SIMC1: variants seen among roughly 807,000 people sequenced by gnomAD.
SIMC1 encodes the protein SUMO interacting motifs containing 1, also known as SUMO-interacting motif-containing protein 1.
In SIMC1, 55 loss-of-function variants were observed where a neutral mutation model predicts 82.3. The observed-to-expected ratio is 0.67, with a 90% CI of 0.54 to 0.84. SIMC1 has a LOEUF of 0.84. Ranked by LOEUF, SIMC1 falls within the 40% of genes least tolerant of loss-of-function variation. The pLI, the probability that SIMC1 is intolerant of heterozygous loss-of-function variation, is 0.00. For synonymous variants in SIMC1, 353 were observed against 426.3 expected, an observed-to-expected ratio of 0.83 and a Z score of 2.12; for missense variants, 915 against 1,107.2, an observed-to-expected ratio of 0.83 and a Z score of 2.46.
intron 1 of SIMC1, among the ~76,000 whole-genome samples, chr5:176,284,076 G>A (rs1763145852): frequency 6.6e-6 from 1 of 152,000 alleles, no homozygotes; most frequent in Admixed American, 6.6e-5. Context: ...AATAATAATG[G>A]GAGACTTTAA....
intron 2 of SIMC1, among the ~76,000 whole-genome samples, chr5:176,291,465 TAGCTGGGACTA>T (rs1263688557): frequency 6.6e-6 from 1 of 151,104 alleles, no homozygotes; most frequent in Non-Finnish European, 1.5e-5. Flanking sequence ...GCCTCCCGAG[TAGCTGGGACTA>T]TAGGCGCCCG....
chr5:176,332,549 C>T (rs1469897121), intron 7 of SIMC1, among the ~76,000 whole-genome samples: 1 of 152,194 alleles, frequency 6.6e-6, no homozygotes, highest in Non-Finnish European at 1.5e-5. Context: ...CTCAGCCTCC[C>T]ACAGTGCTGG....
intron 1 of SIMC1, among the ~76,000 whole-genome samples, chr5:176,282,754 G>A (rs1386568770): frequency 6.6e-6 from 1 of 152,182 alleles, no homozygotes; most frequent in Non-Finnish European, 1.5e-5. Flanking sequence ...TGAACCCATC[G>A]CAAAGAAGCT....
At chr5:176,315,720 T>C (rs773654666) in intron 5 of SIMC1, among the ~76,000 whole-genome samples, 1 of 152,330 alleles carries the variant, frequency 6.6e-6, no homozygotes, top group Middle Eastern at 3.4e-3. Flanking sequence ...TCGTTATGTT[T>C]TGGGCATTGT....
chr5:176,303,804 G>T (rs10057519), intron 4 of SIMC1, among the ~76,000 whole-genome samples: 111,614 of 152,076 alleles, frequency 0.73, 41,129 homozygotes, highest in Middle Eastern at 0.84. Context: ...GTGCTAAGAC[G>T]ACTCAGTGGT....
At chr5:176,327,675 G>A (rs1765453939) in intron 7 of SIMC1, among the ~76,000 whole-genome samples, 1 of 152,150 alleles carries the variant, frequency 6.6e-6, no homozygotes, top group Non-Finnish European at 1.5e-5. Context: ...CCTGATCTTA[G>A]GGTGAAAACA....
chr5:176,257,488 T>A (rs1326328992), intron 1 of SIMC1, among the ~76,000 whole-genome samples: 2 of 152,092 alleles, frequency 1.3e-5, no homozygotes, highest in Non-Finnish European at 2.9e-5. Context: ...GCACATCACA[T>A]GGAGAGAGCA....
chr5:176,275,306 T>G (rs1447184027), intron 1 of SIMC1, among the ~76,000 whole-genome samples: 2 of 151,928 alleles, frequency 1.3e-5, no homozygotes, highest in African/African-American at 2.4e-5. Flanking sequence ...TGCTTGTAAT[T>G]TTTGTACATT....
intron 4 of SIMC1, chr5:176,308,261 G>C (rs978274214): frequency 2.0e-6 from 3 of 1,527,184 alleles, no homozygotes; most frequent in East Asian, 4.5e-5. Flanking sequence ...TGAAAAGGTT[G>C]ATGCCATCAG....
At chr5:176,245,116 C>T (rs1385423922) in intron 1 of SIMC1, among the ~76,000 whole-genome samples, 2 of 152,272 alleles carry the variant, frequency 1.3e-5, no homozygotes, top group Middle Eastern at 3.4e-3. Context: ...GTTCTAACCC[C>T]CCACTACCTC....
intron 1 of SIMC1, among the ~76,000 whole-genome samples, chr5:176,282,152 A>G (rs1253227494): frequency 6.6e-5 from 10 of 152,234 alleles, no homozygotes; most frequent in African/African-American, 2.2e-4. Context: ...CCCCTCCTGC[A>G]GCCTCGCTGC....
chr5:176,345,811 A>G lies in SIMC1; in HGVS notation c.*366A>G, dbSNP rs1766449580. On this transcript the variant is annotated 3_prime_UTR_variant, in exon 10 of 10. Transcript: ENST00000429602. ...TATTATGTCATTCAAGGTACCGACAACCTGTTTCAGGAGAGAGACGTTCAT... is the reference window on the plus strand; with the variant it reads ...TATTATGTCATTCAAGGTACCGACAGCCTGTTTCAGGAGAGAGACGTTCAT... 6.5e-6 allele frequency: 1 copy of G among 153,396 alleles called. No homozygotes were observed. Among genetic ancestry groups the G allele is most frequent in the Admixed American group, 6.5e-5 (1 of 15,306 alleles). 9.5% of individuals were successfully genotyped at this position (153,396 alleles called of 1,614,324 possible). A position where few individuals can be genotyped will look rare whatever the true frequency, so the allele number is the denominator to read the frequency against.
intron 1 of SIMC1, among the ~76,000 whole-genome samples, chr5:176,259,777 A>G (rs1761956027): frequency 6.9e-6 from 1 of 145,348 alleles, no homozygotes; most frequent in East Asian, 1.9e-4. Flanking sequence ...TATCTCAAAA[A>G]TAATAATAAT....
intron 1 of SIMC1, among the ~76,000 whole-genome samples, chr5:176,255,765 G>A (rs1325775867): frequency 6.9e-6 from 1 of 145,770 alleles, no homozygotes; most frequent in Non-Finnish European, 1.5e-5. Flanking sequence ...AAGTAAGAAA[G>A]CCAAGAGCAC....
chr5:176,306,775 C>T (rs991911817), intron 4 of SIMC1, among the ~76,000 whole-genome samples: 2 of 146,348 alleles, frequency 1.4e-5, no homozygotes, highest in African/African-American at 5.0e-5. Context: ...ACAAACACTG[C>T]GGAGGCCGCA....
rs151106876 is a variant in SIMC1, at chr5:176,290,477, C to T, written c.953C>T (p.Ser318Leu). The change falls in exon 2 of 10, where the codon TCA (serine) becomes TTA (leucine). Residue 318 changes from serine (S) to leucine (L), a missense_variant. Ser to Leu is a moderately radical substitution (Grantham distance 145). Around this residue, in one of 2 missense-constraint regions of SIMC1, gnomAD observed 902 missense variants for 1,040.3 expected, o/e 0.87. Transcript: ENST00000429602. ...MPRSPGDVPQ[S>L]PSDVSPSPDA... Reference sequence around the variant, plus strand: ...CGGTCACCAGGAGATGTGCCACAGTCACCAAGTGATGTTTCACCGTCACCA... The same window carrying T: ...CGGTCACCAGGAGATGTGCCACAGTTACCAAGTGATGTTTCACCGTCACCA... The T allele has an allele frequency of 9.3e-6, 15 of 1,613,884 alleles. No homozygotes were observed. The highest frequency in any genetic ancestry group is 1.2e-5 in the Non-Finnish European group (14 of 1,179,902).
intron 1 of SIMC1, among the ~76,000 whole-genome samples, chr5:176,285,052 A>C (rs961535118): frequency 3.6e-4 from 55 of 152,374 alleles, no homozygotes; most frequent in African/African-American, 1.3e-3. Flanking sequence ...AAATTCTACC[A>C]GAGGTACAAG....
intron 1 of SIMC1, among the ~76,000 whole-genome samples, chr5:176,258,300 G>GGT (rs1761912167): frequency 6.6e-6 from 1 of 151,546 alleles, no homozygotes; most frequent in African/African-American, 2.4e-5. Context: ...AACCCCATGA[G>GGT]GTAGGTAGTA....
intron 7 of SIMC1, among the ~76,000 whole-genome samples, chr5:176,330,832 A>G (rs761864443): frequency 6.6e-6 from 1 of 152,206 alleles, no homozygotes; most frequent in Non-Finnish European, 1.5e-5. Context: ...AGATATTTGC[A>G]TGGTCTCTAA....
Sources: gnomAD v4.1 joint callset for allele counts (sites outside exome capture counted in the v4.1 genomes callset) on GRCh38, gnomAD v4.1.1 for gene constraint, gnomAD v4.1.1 regional missense constraint, MANE v1.5 for transcripts, NCBI Gene and HGNC (gene_info 2026-07-23, HGNC 2026-07-21) for gene names.